The following TECPR2 variants were observed in gnomAD, a reference collection of about 807,000 sequenced individuals.
TECPR2 encodes tectonin beta-propeller repeat containing 2.
In TECPR2, 65 loss-of-function variants were observed where a neutral mutation model predicts 138.1. That is an observed-to-expected ratio of 0.47 (90% confidence interval 0.39 to 0.58). The LOEUF is 0.58. TECPR2 is among the 20% of genes least tolerant of loss of function. The pLI is 0.00. For synonymous variants in TECPR2, 746 were observed against 749.8 expected, an observed-to-expected ratio of 0.99 and a Z score of 0.08; for missense variants, 1,553 against 1,824.5, an observed-to-expected ratio of 0.85 and a Z score of 2.71.
At chr14:102,477,177 C>G (rs1480592764) in intron 17 of TECPR2, among the ~76,000 whole-genome samples, 1 of 152,216 alleles carries the variant, frequency 6.6e-6, no homozygotes, top group African/African-American at 2.4e-5. Flanking sequence ...CAAGACCAGC[C>G]TGGCCAACGT....
chr14:102,438,277 A>G (rs1889735589), intron 10 of TECPR2, 72 bp downstream of exon 10: 2 of 1,523,626 alleles, frequency 1.3e-6, no homozygotes, highest in Admixed American at 2.0e-5. Context: ...CCCGGGGTGC[A>G]GACATCTTAG....
intron 16 of TECPR2, among the ~76,000 whole-genome samples, chr14:102,453,121 A>T (rs1320354623): frequency 6.6e-6 from 1 of 152,176 alleles, no homozygotes; most frequent in Non-Finnish European, 1.5e-5. Context: ...ACCTGCATCC[A>T]CTAGCTCCTG....
rs1193789801 is a variant in TECPR2 at position 102,497,053 on chromosome 14, G to C, written c.3864G>C (p.Trp1288Cys). 1 of 1,613,884 alleles carries C rather than the reference G, an allele frequency of 6.2e-7. No homozygotes were observed. The change falls in exon 18 of 20, where the codon TGG becomes TGC. Residue 1288 changes from tryptophan to cysteine, a missense_variant. Physicochemically the swap from Trp to Cys is radical, Grantham distance 215. Coordinates refer to ENST00000359520, the MANE Select transcript of TECPR2 (RefSeq NM_014844.5). ...DQMLWVLDSR[W>C]NVHVRTGITE... is the part of the protein sequence containing the mutation. Reference sequence around the variant, plus strand: ...TGCTGTGGGTGCTTGACAGCAGGTGGAACGTGCACGTGCGGACCGGGATCA... The same window carrying C: ...TGCTGTGGGTGCTTGACAGCAGGTGCAACGTGCACGTGCGGACCGGGATCA...
chr14:102,459,034 C>CA lies in TECPR2; in HGVS notation c.3641-6106dup, dbSNP rs1324943459. ...ACATTATTTTTGTTGAAAGTTTACA[C>CA]ACGGAGTGTGTAGGGACTTTACAGG... On this transcript the variant is annotated intron_variant, in intron 16 of 19. Transcript: ENST00000359520. 1.1e-4 allele frequency among the ~76,000 whole-genome samples: 17 copies of CA among 151,164 alleles called. No individual in the cohort carries two copies. The South Asian group carries it at 3.6e-3, about 32-fold the overall frequency.
intron 5 of TECPR2, among the ~76,000 whole-genome samples, chr14:102,418,923 T>C (rs1362107511): frequency 6.6e-6 from 1 of 151,992 alleles, no homozygotes; most frequent in Non-Finnish European, 1.5e-5. Context: ...ATGCTGTGGA[T>C]TGACGCAGAG....
At chr14:102,462,618 C>G (rs1186850491) in intron 16 of TECPR2, among the ~76,000 whole-genome samples, 1 of 152,184 alleles carries the variant, frequency 6.6e-6, no homozygotes, top group Non-Finnish European at 1.5e-5. Flanking sequence ...GTGGTACCTC[C>G]CGATTCTGCA....
intron 17 of TECPR2, among the ~76,000 whole-genome samples, chr14:102,474,638 T>C (rs916451546): frequency 1.3e-5 from 2 of 152,066 alleles, no homozygotes; most frequent in Non-Finnish European, 2.9e-5. Context: ...AAAAAGACTA[T>C]TTTGATCCAG....
intron 5 of TECPR2, among the ~76,000 whole-genome samples, chr14:102,421,292 C>G (rs906673018): frequency 5.3e-5 from 8 of 152,170 alleles, no homozygotes; most frequent in Non-Finnish European, 1.0e-4. Flanking sequence ...CAGAACAAAC[C>G]CACCAAAGGC....
chr14:102,445,287 A>G (rs1889941907), intron 12 of TECPR2, among the ~76,000 whole-genome samples: 1 of 152,224 alleles, frequency 6.6e-6, no homozygotes, highest in Non-Finnish European at 1.5e-5. Flanking sequence ...GCTGCACAGA[A>G]TAGCCTGGCA....
chr14:102,381,908 G>A (rs951509541), intron 2 of TECPR2, among the ~76,000 whole-genome samples: 2 of 152,166 alleles, frequency 1.3e-5, no homozygotes, highest in African/African-American at 4.8e-5. Context: ...TATCTAAGAC[G>A]AGTACAACAT....
chr14:102,474,806 C>T (rs1353400356), intron 17 of TECPR2, among the ~76,000 whole-genome samples: 1 of 152,140 alleles, frequency 6.6e-6, no homozygotes, highest in Non-Finnish European at 1.5e-5. Context: ...ACCTACCCAG[C>T]CCATATAAAT....
Position 102,445,884 on chromosome 14 carries a change from C to A in TECPR2, c.3012C>A (p.Asn1004Lys). 6.2e-7 allele frequency: 1 copy of A among 1,613,914 alleles called. No homozygotes were observed. The highest frequency in any genetic ancestry group is 8.5e-7 in the Non-Finnish European group (1 of 1,179,992). ...QTLWALDIHG[N>K]LWFRTGIISK... ...TCTGGGCCCTGGACATCCATGGGAA[C>A]CTGTGGTTCAGAACTGGCATTATTT... The change falls in exon 13 of 20, where the codon AAC becomes AAA. Residue 1004 changes from asparagine (N) to lysine (K), a missense_variant. Asn to Lys is a moderately conservative substitution (Grantham distance 94). Transcript: ENST00000359520.
intron 17 of TECPR2, among the ~76,000 whole-genome samples, chr14:102,493,660 G>A (rs1891206475): frequency 1.3e-5 from 2 of 152,324 alleles, no homozygotes; most frequent in South Asian, 4.1e-4. Context: ...CGCTCCAGGT[G>A]GTCCCTGGGG....
At chr14:102,422,336 C>T (rs534636798) in intron 5 of TECPR2, among the ~76,000 whole-genome samples, 18 of 152,312 alleles carry the variant, frequency 1.2e-4, no homozygotes, top group Non-Finnish European at 2.5e-4. Context: ...AGCAAAACAA[C>T]GTATAACAAA....
chr14:102,363,143 C>T, intron 1 of TECPR2, 27 bp downstream of exon 1: 1 of 339,690 alleles, frequency 2.9e-6, no homozygotes, highest in Non-Finnish European at 5.2e-6. Context: ...CGCAAGCGGC[C>T]CCGACGCCCC....
chr14:102,452,934 C>T (rs1471481717), intron 16 of TECPR2, among the ~76,000 whole-genome samples: 1 of 152,114 alleles, frequency 6.6e-6, no homozygotes, highest in Non-Finnish European at 1.5e-5. Flanking sequence ...GCAGCTGCCC[C>T]GTCAGTCTTT....
At chr14:102,451,401 C>G (rs1440982755) in intron 15 of TECPR2, among the ~76,000 whole-genome samples, 4 of 152,190 alleles carry the variant, frequency 2.6e-5, no homozygotes, top group African/African-American at 7.2e-5. Flanking sequence ...GTGACTGGGT[C>G]AGTACAATAA....
intron 14 of TECPR2, among the ~76,000 whole-genome samples, chr14:102,450,274 G>A (rs1217277765): frequency 6.6e-6 from 1 of 152,134 alleles, no homozygotes; most frequent in Non-Finnish European, 1.5e-5. Context: ...GTAGATGCCA[G>A]TCTACACATC....
At chr14:102,437,731 C>G (rs12147260) in intron 9 of TECPR2, among the ~76,000 whole-genome samples, 1 of 152,070 alleles carries the variant, frequency 6.6e-6, no homozygotes, top group African/African-American at 2.4e-5. Flanking sequence ...TCCTTCGTAA[C>G]GTGATGTGAT....
Sources: allele counts gnomAD v4.1 joint callset (sites outside exome capture counted in the v4.1 genomes callset), GRCh38; gene constraint gnomAD v4.1.1; transcripts MANE v1.5; gene names NCBI Gene and HGNC (gene_info 2026-07-23, HGNC 2026-07-21).